MYLK4: variants seen among roughly 807,000 people sequenced by gnomAD.
MYLK4 encodes the protein caMLCK like.
MYLK4 carries 46 observed loss-of-function variants against 48.1 expected under a neutral mutation model. The observed-to-expected ratio is 0.96, with a 90% confidence interval of 0.75 to 1.22. MYLK4 has a LOEUF of 1.22. MYLK4 is among the 50% of genes most tolerant of loss of function. MYLK4 has a pLI of 0.00. For synonymous variants in MYLK4, 170 were observed against 180.8 expected, an observed-to-expected ratio of 0.94 and a Z score of 0.48; for missense variants, 451 against 486.1, an observed-to-expected ratio of 0.93 and a Z score of 0.68.
upstream of MYLK4, among the ~76,000 whole-genome samples, chr6:2,754,161 C>A (rs1764364998): frequency 6.6e-6 from 1 of 152,170 alleles, no homozygotes; most frequent in Non-Finnish European, 1.5e-5. Flanking sequence ...CCTAGAAATT[C>A]TTCTCCTAGG....
chr6:2,701,092 A>T (rs1762265064), intron 2 of MYLK4, among the ~76,000 whole-genome samples: 1 of 152,176 alleles, frequency 6.6e-6, no homozygotes, highest in Non-Finnish European at 1.5e-5. Context: ...CATTAAAATG[A>T]GTCTTACTTT....
intron 2 of MYLK4, among the ~76,000 whole-genome samples, chr6:2,717,266 T>C (rs1762898843): frequency 6.6e-6 from 1 of 152,260 alleles, no homozygotes; most frequent in Non-Finnish European, 1.5e-5. Context: ...ACTTGTTAAA[T>C]TTCCTTTTTA....
chr6:2,743,226 T>G (rs1763958806), intron 2 of MYLK4, among the ~76,000 whole-genome samples: 1 of 152,242 alleles, frequency 6.6e-6, no homozygotes, highest in African/African-American at 2.4e-5. Flanking sequence ...TGATTCAGAC[T>G]GTTTTCCATA....
intron 8 of MYLK4, 173 bp from the exon 9 acceptor site, chr6:2,679,581 C>A: frequency 1.2e-6 from 1 of 827,268 alleles, no homozygotes; most frequent in Non-Finnish European, 2.0e-6. Context: ...TGTAAAGAGG[C>A]CCCAGAAAAT....
the MYLK4 span, chr6:2,766,068 C>T: frequency 3.1e-6 from 4 of 1,293,942 alleles, 1 homozygote; most frequent in South Asian, 9.6e-5. Flanking sequence ...GCCGCCGCGG[C>T]GGGGAGCGCG....
Position 2,699,287 on chromosome 6 carries a change from C to T in MYLK4, c.160-6428G>A, listed in dbSNP as rs9328119. ...CATGCTACCACTTTTCTTTTCTTTT[C>T]TTTTTTTTTTTTTTTTTTTTTTGAT... is the stretch of plus-strand genomic sequence containing the variant. On this transcript the variant is annotated intron_variant, in intron 2 of 12. Transcript: ENST00000274643. 4.0e-3 allele frequency among the ~76,000 whole-genome samples: 309 copies of T among 77,868 alleles called. 6 individuals are homozygous for T. The highest frequency in any genetic ancestry group is 0.013 in the African/African-American group (245 of 18,188). The allele number at this position is 77,868 out of a possible 152,430, so 51.1% of individuals were successfully genotyped here.
At chr6:2,751,277 C>T (rs1764281602), upstream of MYLK4, among the ~76,000 whole-genome samples, 1 of 152,182 alleles carries the variant, frequency 6.6e-6, no homozygotes, top group East Asian at 1.9e-4. Flanking sequence ...CCCACAGCCA[C>T]CTCTGTTTGC....
At chr6:2,713,098 T>C (rs1221638829) in intron 2 of MYLK4, among the ~76,000 whole-genome samples, 1 of 152,120 alleles carries the variant, frequency 6.6e-6, no homozygotes, top group African/African-American at 2.4e-5. Context: ...AGTCCCGGCA[T>C]GGTGGCTCAT....
chr6:2,761,494 G>A, the MYLK4 span, among the ~76,000 whole-genome samples: 1 of 152,128 alleles, frequency 6.6e-6, no homozygotes, highest in African/African-American at 2.4e-5. Context: ...AGAAAACCTT[G>A]AACTTCAGAC....
chr6:2,696,876 A>G (rs1026879608), intron 2 of MYLK4, among the ~76,000 whole-genome samples: 8 of 152,168 alleles, frequency 5.3e-5, no homozygotes, highest in African/African-American at 1.9e-4. Flanking sequence ...CCCGGCCAAC[A>G]TAGTGAAACT....
chr6:2,751,139 T>A (rs1210094648), upstream of MYLK4, among the ~76,000 whole-genome samples: 2 of 152,178 alleles, frequency 1.3e-5, no homozygotes, highest in Non-Finnish European at 1.5e-5. Flanking sequence ...GTGTCAATAC[T>A]CTCGGATTTA....
intron 2 of MYLK4, among the ~76,000 whole-genome samples, chr6:2,745,294 A>C (rs563414363): frequency 2.4e-3 from 371 of 152,218 alleles, no homozygotes; most frequent in Non-Finnish European, 3.8e-3. Context: ...TATAGATAAC[A>C]GAGAACTGAC....
chr6:2,766,245 C>A, the MYLK4 span: 6 of 1,496,370 alleles, frequency 4.0e-6, no homozygotes, highest in South Asian at 5.2e-5. Flanking sequence ...GGGGGCCGCC[C>A]GCACCCCCGG....
chr6:2,686,623 A>G (rs1006521120), intron 4 of MYLK4, among the ~76,000 whole-genome samples: 2 of 152,252 alleles, frequency 1.3e-5, no homozygotes, highest in East Asian at 1.9e-4. Context: ...GGCAAGCCCT[A>G]TGACAAGGCA....
chr6:2,730,271 T>G (rs563621775), intron 2 of MYLK4, among the ~76,000 whole-genome samples: 177 of 152,322 alleles, frequency 1.2e-3, no homozygotes, highest in Non-Finnish European at 2.0e-3. Flanking sequence ...TCCCTCCCAA[T>G]CTACTGCCCC....
Position 2,672,572 on chromosome 6 carries a change from T to C in MYLK4, c.1120-1224A>G, listed in dbSNP as rs1760940253. On this transcript the variant is annotated intron_variant, in intron 11 of 12. Transcript: ENST00000274643. This position sits in a 1 kb window ranked among gnomAD's most constrained non-coding sequence, Gnocchi z 4.3. ...TTTAGATTGAAATGGTAAACAGTTT[T>C]GGATCAGAATTAAATTTTCAACTTA... Among the ~76,000 whole-genome samples the C allele has an allele frequency of 6.6e-6, 1 of 152,236 alleles. No individual in the cohort carries two copies.
At position 2,667,051 on chromosome 6, in the gene MYLK4, A is replaced by T. The variant is rs1004352304; in HGVS notation, c.*874T>A. The T allele has an allele frequency of 8.7e-5, 13 of 149,058 alleles. No individual in the cohort carries two copies. Among genetic ancestry groups the T allele is most frequent in the African/African-American group, 3.3e-4 (13 of 39,774 alleles). The allele number at this position is 149,058 out of a possible 1,614,324, so 9.2% of individuals were successfully genotyped here. A position where few individuals can be genotyped will look rare whatever the true frequency, so the allele number is the denominator to read the frequency against. Reference sequence around the variant, plus strand: ...AGTGCTATCTTGCTCCAGGAGGTGCAGATCCGTCTCTTTTAGTTGACAAAT... The same window carrying T: ...AGTGCTATCTTGCTCCAGGAGGTGCTGATCCGTCTCTTTTAGTTGACAAAT... On this transcript the variant is annotated 3_prime_UTR_variant, in exon 13 of 13. Transcript: ENST00000274643.
rs1365146475 is a variant in MYLK4 at position 2,678,391 on chromosome 6, A to G, written c.888-19T>C. ...GCTAAGTCTGGAGGACACGGGGTCC[A>G]GAGTGAGTATTTTTTAAACAGCCTC... is the stretch of plus-strand genomic sequence containing the variant. On this transcript the variant is annotated intron_variant, in intron 9 of 12. Transcript: ENST00000274643. The G allele has an allele frequency of 1.2e-6, 2 of 1,611,828 alleles. No homozygotes were observed. The highest frequency in any genetic ancestry group is 1.7e-6 in the Non-Finnish European group (2 of 1,178,986).
intron 2 of MYLK4, among the ~76,000 whole-genome samples, chr6:2,733,792 T>A (rs535244909): frequency 1.3e-5 from 2 of 152,110 alleles, no homozygotes; most frequent in Non-Finnish European, 2.9e-5. Context: ...ACACTTCTCA[T>A]GAGACCCCTG....
Sources: allele counts gnomAD v4.1 joint callset (sites outside exome capture counted in the v4.1 genomes callset), GRCh38; gene constraint gnomAD v4.1.1; non-coding constraint Gnocchi (gnomAD v3.1); transcripts MANE v1.5; gene names NCBI Gene and HGNC (gene_info 2026-07-23, HGNC 2026-07-21).